Variants in TRIM16 observed in about 807,000 individuals in gnomAD.
TRIM16 encodes the protein tripartite motif-containing protein 16.
Under a neutral mutation model 50.4 loss-of-function variants are expected in TRIM16, and 33 were observed. The observed-to-expected ratio is 0.65, with a 90% CI of 0.50 to 0.88. The LOEUF is 0.88. TRIM16 is among the 40% of genes least tolerant of loss of function. The pLI is 0.00. For missense variants in TRIM16, 581 were observed against 686.8 expected, an observed-to-expected ratio of 0.85 and a Z score of 1.72; for synonymous variants, 229 against 270.7, an observed-to-expected ratio of 0.85 and a Z score of 1.51.
At chr17:15,677,385 T>C in intron 5 of TRIM16, 105 bp from the exon 6 acceptor site, 1 of 917,672 alleles carries the variant, frequency 1.1e-6, no homozygotes, top group Non-Finnish European at 1.3e-6. Context: ...ACGAAATAAC[T>C]AATTGTCAAA....
intron 7 of TRIM16, among the ~76,000 whole-genome samples, chr17:15,647,154 A>T (rs1431642855): frequency 6.7e-6 from 1 of 149,784 alleles, no homozygotes; most frequent in Non-Finnish European, 1.5e-5. Flanking sequence ...TTTTTTTTTT[A>T]GTAGAGACAA....
At chr17:15,665,534 AAG>A (rs1291034831) in intron 6 of TRIM16, among the ~76,000 whole-genome samples, 2 of 152,206 alleles carry the variant, frequency 1.3e-5, no homozygotes, top group Non-Finnish European at 2.9e-5. Context: ...AAAAAAAATA[AAG>A]AAAGAAAACA....
At chr17:15,675,780 C>CATATGTATAT (rs1988909268) in intron 6 of TRIM16, 2 of 154,244 alleles carry the variant, frequency 1.3e-5, no homozygotes, top group African/African-American at 4.9e-5. Flanking sequence ...TGTATATACA[C>CATATGTATAT]ATACGTATAT....
At chr17:15,651,050 C>A in intron 7 of TRIM16, 41 bp downstream of exon 7, 1 of 1,569,758 alleles carries the variant, frequency 6.4e-7, no homozygotes, top group Admixed American at 1.7e-5. Context: ...CCATCCCCCA[C>A]CGCCCTCTCC....
intron 6 of TRIM16, among the ~76,000 whole-genome samples, chr17:15,657,490 T>C (rs1170205587): frequency 6.6e-6 from 1 of 152,218 alleles, no homozygotes; most frequent in Non-Finnish European, 1.5e-5. Flanking sequence ...TCTCCACAAC[T>C]CTTTTCATCT....
intron 6 of TRIM16, among the ~76,000 whole-genome samples, chr17:15,652,435 AG>A (rs927560144): frequency 1.3e-4 from 18 of 133,378 alleles, no homozygotes; most frequent in Non-Finnish European, 2.3e-4. Context: ...CTAGGATTAC[AG>A]GTGAGCCACG....
At chr17:15,658,504 T>A (rs182229928) in intron 6 of TRIM16, among the ~76,000 whole-genome samples, 2 of 152,278 alleles carry the variant, frequency 1.3e-5, no homozygotes, top group East Asian at 3.9e-4. Flanking sequence ...AATCAGCCCA[T>A]CAGACTGAGA....
chr17:15,635,592 A>AT (rs1395395518), intron 9 of TRIM16, among the ~76,000 whole-genome samples: 2 of 119,764 alleles, frequency 1.7e-5, no homozygotes, highest in Admixed American at 8.4e-5. Context: ...GGAGCGGTTT[A>AT]TAAAACATAC....
intron 4 of TRIM16, among the ~76,000 whole-genome samples, chr17:15,680,014 C>G (rs1041821432): frequency 2.6e-5 from 4 of 151,688 alleles, no homozygotes; most frequent in Non-Finnish European, 4.4e-5. Flanking sequence ...GTATAAGAAG[C>G]CTTTAAGTTT....
chr17:15,664,863 C>A (rs908528108), intron 6 of TRIM16, among the ~76,000 whole-genome samples: 2 of 152,056 alleles, frequency 1.3e-5, no homozygotes, highest in Non-Finnish European at 2.9e-5. Flanking sequence ...GAAACCCCGA[C>A]TCTACTAAAA....
chr17:15,651,287 T>G lies in TRIM16; in HGVS notation c.323A>C (p.His108Pro). The change falls in exon 7 of 12, where the codon CAT (histidine) becomes CCT (proline). Residue 108 changes from histidine to proline, a missense_variant. Around this residue, in one of 3 missense-constraint regions of TRIM16, gnomAD observed 450 missense variants for 544.3 expected, o/e 0.83. Transcript: ENST00000649191. ...GCTTTGCAGTTTGATGTTCACCTGA[T>G]GCGGCTGCAAGTGCTCTTCACAGTA... is the stretch of plus-strand genomic sequence containing the variant. The part of the protein sequence containing the change: ...VNYCEEHLQP[H>P]QVNIKLQSHL... The G allele has an allele frequency of 1.2e-6, 2 of 1,614,262 alleles. No individual in the cohort carries two copies. The highest frequency in any genetic ancestry group is 8.5e-7 in the Non-Finnish European group (1 of 1,180,048).
In TRIM16 at chr17:15,640,516, G is replaced by C. The variant is rs1275499636; in HGVS notation, c.615+2205C>G. ...GAGCAGGCGACCAAGAGGGAAAGAG[G>C]CCAAGACTCCCAGCAATTCCTGAAC... On this transcript the variant is annotated intron_variant, in intron 8 of 11. Transcript: ENST00000649191. Among the ~76,000 whole-genome samples, 3 of 147,682 alleles carry C rather than the reference G, an allele frequency of 2.0e-5. 1 individual carries two copies. The East Asian group carries it at 6.1e-4, about 30-fold the overall frequency.
chr17:15,669,269 A>C (rs1312466339), intron 6 of TRIM16, among the ~76,000 whole-genome samples: 2 of 151,918 alleles, frequency 1.3e-5, no homozygotes, highest in African/African-American at 4.8e-5. Context: ...TGCCTCTATC[A>C]GTAAAAAAAA....
chr17:15,663,521 G>C (rs1988339086), intron 6 of TRIM16, among the ~76,000 whole-genome samples: 1 of 152,218 alleles, frequency 6.6e-6, no homozygotes, highest in Non-Finnish European at 1.5e-5. Context: ...GACTAGGTCA[G>C]TAAGCCGAGG....
intron 6 of TRIM16, among the ~76,000 whole-genome samples, chr17:15,661,870 CCTT>C (rs1163178723): frequency 3.3e-5 from 5 of 152,176 alleles, no homozygotes; most frequent in Non-Finnish European, 5.9e-5. Context: ...ATAATTAACT[CCTT>C]CTCTCAGGAT....
chr17:15,630,195 C>G (rs4792637), intron 11 of TRIM16, among the ~76,000 whole-genome samples: 44,999 of 151,710 alleles, frequency 0.3, 6,860 homozygotes, highest in East Asian at 0.44. Context: ...TTTGGTACAG[C>G]CTGTTCCCTC....
At chr17:15,679,708 C>G (rs141095804) in intron 4 of TRIM16, among the ~76,000 whole-genome samples, 3 of 152,082 alleles carry the variant, frequency 2.0e-5, no homozygotes, top group African/African-American at 7.2e-5. Context: ...GAGGCCGAGG[C>G]GGGCAGATCA....
intron 6 of TRIM16, among the ~76,000 whole-genome samples, chr17:15,659,124 AGTACCTGGC>A (rs1371202027): frequency 2.0e-5 from 3 of 152,234 alleles, no homozygotes; most frequent in African/African-American, 7.2e-5. Context: ...TTGCCAGCTC[AGTACCTGGC>A]ACACAGCCTG....
intron 6 of TRIM16, among the ~76,000 whole-genome samples, chr17:15,659,803 C>T (rs774942076): frequency 2.0e-5 from 3 of 152,226 alleles, no homozygotes; most frequent in Non-Finnish European, 4.4e-5. Context: ...GGCAGCTGTC[C>T]AGCTCCCAGT....
Sources: gnomAD v4.1 joint callset for allele counts (sites outside exome capture counted in the v4.1 genomes callset) on GRCh38, gnomAD v4.1.1 for gene constraint, gnomAD v4.1.1 regional missense constraint, MANE v1.5 for transcripts, NCBI Gene and HGNC (gene_info 2026-07-23, HGNC 2026-07-21) for gene names.